DIAPH2: variants seen among roughly 807,000 people sequenced by gnomAD.
DIAPH2 encodes the protein protein diaphanous homolog 2.
Under a neutral mutation model 92.7 loss-of-function variants are expected in DIAPH2, and 35 were observed. That is an observed-to-expected ratio of 0.38 (90% CI 0.29 to 0.50). The LOEUF is 0.50. Ranked by LOEUF, DIAPH2 falls within the 20% of genes least tolerant of loss-of-function variation. The probability of loss-of-function intolerance (pLI) is 0.94; values close to 1 mark genes in which losing one functional copy is unlikely to be tolerated. For missense variants in DIAPH2, 701 were observed against 819.5 expected, an observed-to-expected ratio of 0.86 and a Z score of 1.77; for synonymous variants, 301 against 280.4, an observed-to-expected ratio of 1.07 and a Z score of -0.73.
intron 23 of DIAPH2, among the ~76,000 whole-genome samples, chrX:97,303,489 A>G (rs1187018774): frequency 8.9e-6 from 1 of 112,062 alleles, no homozygotes; most frequent in Non-Finnish European, 1.9e-5. Flanking sequence ...TCAAGAAAGA[A>G]GGTTATGATA....
intron 21 of DIAPH2, among the ~76,000 whole-genome samples, chrX:97,118,773 T>A (rs150713868): frequency 1.9e-4 from 21 of 112,020 alleles, no homozygotes; most frequent in African/African-American, 5.8e-4. Flanking sequence ...AAGAAGAATC[T>A]TGAAGGATAG....
At chrX:97,176,540 T>C (rs1056214719) in intron 22 of DIAPH2, among the ~76,000 whole-genome samples, 1 of 110,651 alleles carries the variant, frequency 9.0e-6, no homozygotes, top group African/African-American at 3.3e-5. Context: ...TTTTGTTTTG[T>C]TTTTTGAGAC....
chrX:96,962,486 C>CATAT lies in DIAPH2; in HGVS notation c.1936-2606_1936-2605insTATA, dbSNP rs1268359722. On this transcript the variant is annotated intron_variant, in intron 16 of 26. Coordinates refer to ENST00000324765, the MANE Select transcript of DIAPH2 (RefSeq NM_006729.5). ...ATATATACATATATATATACACACA[C>CATAT]ACACACACACATATATATATATATA... Among the ~76,000 whole-genome samples, 25 of 22,772 alleles carry CATAT rather than the reference C, an allele frequency of 1.1e-3. 2 individuals are homozygous for CATAT. Among genetic ancestry groups the CATAT allele is most frequent in the African/African-American group, 3.5e-3 (24 of 6,905 alleles). The allele number at this position is 22,772 out of a possible 115,157, so 19.8% of individuals were successfully genotyped here. A position where few individuals can be genotyped will look rare whatever the true frequency, so the allele number is the denominator to read the frequency against.
At chrX:97,375,354 G>A (rs1236173499) in intron 24 of DIAPH2, among the ~76,000 whole-genome samples, 1 of 111,051 alleles carries the variant, frequency 9.0e-6, no homozygotes, top group Admixed American at 9.6e-5. Flanking sequence ...TACTCGGGAG[G>A]CTGAGGCAGG....
chrX:96,931,015 G>C (rs771809823), intron 10 of DIAPH2, among the ~76,000 whole-genome samples, 172 bp downstream of exon 10: 33 of 112,026 alleles, frequency 2.9e-4, no homozygotes, highest in Non-Finnish European at 4.9e-4. Context: ...ACATACAAAT[G>C]ATGATTCAGA....
intron 4 of DIAPH2, among the ~76,000 whole-genome samples, chrX:96,796,893 T>C (rs1402361597): frequency 1.8e-5 from 2 of 111,897 alleles, no homozygotes; most frequent in Admixed American, 9.5e-5. Flanking sequence ...TCTGGCACTC[T>C]TCATTCCTTT....
At chrX:97,495,198 G>GT (rs2070750666) in intron 26 of DIAPH2, among the ~76,000 whole-genome samples, 1 of 111,850 alleles carries the variant, frequency 8.9e-6, no homozygotes, top group African/African-American at 3.3e-5. Flanking sequence ...TTTCAGTAGA[G>GT]TTTTTTCAGT....
At chrX:97,397,904 A>G (rs1036613874) in intron 25 of DIAPH2, among the ~76,000 whole-genome samples, 1 of 112,455 alleles carries the variant, frequency 8.9e-6, no homozygotes, top group Non-Finnish European at 1.9e-5. Context: ...TCTTTTGCCA[A>G]TTGAACCTTT....
chrX:97,314,455 T>TA (rs1369891572), intron 23 of DIAPH2, among the ~76,000 whole-genome samples: 1 of 110,884 alleles, frequency 9.0e-6, no homozygotes, highest in Non-Finnish European at 1.9e-5. Flanking sequence ...TTCATCACAG[T>TA]AAAAAATAAT....
At chrX:97,000,522 A>G (rs934391623) in intron 17 of DIAPH2, among the ~76,000 whole-genome samples, 38 of 109,559 alleles carry the variant, frequency 3.5e-4, no homozygotes, top group African/African-American at 1.2e-3. Context: ...CAGTAGTCCT[A>G]GCTACTCAAG....
intron 23 of DIAPH2, among the ~76,000 whole-genome samples, chrX:97,288,320 C>T (rs1252499131): frequency 9.0e-6 from 1 of 110,955 alleles, no homozygotes; most frequent in Non-Finnish European, 1.9e-5. Flanking sequence ...ACTTGGCAGA[C>T]GTGGAAGCAG....
chrX:97,541,814 G>A (rs779800749), intron 26 of DIAPH2, among the ~76,000 whole-genome samples: 2 of 112,393 alleles, frequency 1.8e-5, no homozygotes, highest in Non-Finnish European at 3.8e-5. Flanking sequence ...CTGGACAAGA[G>A]AGTGGACAGG....
intron 26 of DIAPH2, among the ~76,000 whole-genome samples, chrX:97,551,072 T>G (rs1440204193): frequency 9.0e-6 from 1 of 110,942 alleles, no homozygotes; most frequent in Non-Finnish European, 1.9e-5. Context: ...AGAAACGTTG[T>G]TAGCCTAAAT....
chrX:96,806,222 G>A (rs2064623342), intron 4 of DIAPH2, among the ~76,000 whole-genome samples: 1 of 111,860 alleles, frequency 8.9e-6, no homozygotes, highest in Admixed American at 9.5e-5. Flanking sequence ...CCTATAATCT[G>A]TTTTGGGAAT....
At chrX:96,688,763 A>T (rs1569366047) in intron 1 of DIAPH2, among the ~76,000 whole-genome samples, 1 of 112,287 alleles carries the variant, frequency 8.9e-6, no homozygotes, top group Non-Finnish European at 1.9e-5. Flanking sequence ...TAGTCTACTG[A>T]GACAGACAGG....
intron 23 of DIAPH2, among the ~76,000 whole-genome samples, chrX:97,254,840 C>T (rs2068223134): frequency 9.1e-6 from 1 of 109,836 alleles, no homozygotes. Context: ...GCTGGGACTA[C>T]AGGTGCTGGC....
intron 18 of DIAPH2, among the ~76,000 whole-genome samples, chrX:97,074,621 A>C (rs1007768908): frequency 8.9e-6 from 1 of 112,061 alleles, no homozygotes; most frequent in Non-Finnish European, 1.9e-5. Context: ...TCAATATATA[A>C]AGTAAGTAAT....
At chrX:97,185,477 A>ATGTG (rs1245516161) in intron 22 of DIAPH2, among the ~76,000 whole-genome samples, 6 of 1,556 alleles carry the variant, frequency 3.9e-3, no homozygotes, top group Non-Finnish European at 0.013. Flanking sequence ...ATATACACAT[A>ATGTG]TATATATATA....
chrX:96,998,748 G>A (rs2066122002), intron 17 of DIAPH2, among the ~76,000 whole-genome samples: 1 of 111,488 alleles, frequency 9.0e-6, no homozygotes, highest in African/African-American at 3.3e-5. Context: ...AGAGATGCAG[G>A]CTCTGGAGCC....
Sources: gnomAD v4.1 joint callset for allele counts (sites outside exome capture counted in the v4.1 genomes callset) on GRCh38, gnomAD v4.1.1 for gene constraint, MANE v1.5 for transcripts, NCBI Gene and HGNC (gene_info 2026-07-23, HGNC 2026-07-21) for gene names.